The following PDE3A variants were observed in gnomAD, a reference collection of about 807,000 sequenced individuals.
PDE3A encodes cGMP-inhibited 3',5'-cyclic phosphodiesterase 3A.
Under a neutral mutation model 98.3 loss-of-function variants are expected in PDE3A, and 43 were observed. The observed-to-expected ratio is 0.44, with a 90% CI of 0.34 to 0.56. The LOEUF is 0.56. Ranked by LOEUF, PDE3A falls within the 20% of genes least tolerant of loss-of-function variation. The pLI is 0.01. For missense variants in PDE3A, 1,427 were observed against 1,440.7 expected (o/e 0.99, Z 0.15); for synonymous variants, 663 against 567.9 (o/e 1.17, Z -2.38).
chr12:20,571,223 A>C (rs1274801898), intron 2 of PDE3A, among the ~76,000 whole-genome samples: 3 of 152,164 alleles, frequency 2.0e-5, no homozygotes, highest in Non-Finnish European at 1.5e-5. Context: ...ATTCATTAGT[A>C]TGGATGAAAG....
chr12:20,486,137 T>A (rs1945723435), intron 1 of PDE3A, among the ~76,000 whole-genome samples: 1 of 152,230 alleles, frequency 6.6e-6, no homozygotes, highest in Non-Finnish European at 1.5e-5. Context: ...TAGTCTGTTT[T>A]CACACTGCTA....
Position 20,680,432 on chromosome 12 carries a change from G to T in PDE3A, c.*161G>T. On this transcript the variant is annotated 3_prime_UTR_variant, in exon 16 of 16. Coordinates refer to ENST00000359062, the MANE Select transcript of PDE3A (RefSeq NM_000921.5). ...TTTTGTGTGTATATTTTTACAGTGA[G>T]GTACATTGTTAAAAACTTTTTGCTC... 1.4e-6 allele frequency: 1 copy of T among 740,558 alleles called. No homozygotes were observed. 45.9% of individuals were successfully genotyped at this position (740,558 alleles called of 1,614,324 possible). A position where few individuals can be genotyped will look rare whatever the true frequency, so the allele number is the denominator to read the frequency against.
intron 1 of PDE3A, among the ~76,000 whole-genome samples, chr12:20,539,921 A>G (rs11614638): frequency 0.036 from 5,453 of 152,176 alleles, 140 homozygotes; most frequent in Middle Eastern, 0.065. Context: ...TTTGCAAATG[A>G]GGAAACTTAA....
intron 14 of PDE3A, among the ~76,000 whole-genome samples, chr12:20,651,450 C>T (rs553102042): frequency 2.0e-5 from 3 of 152,198 alleles, no homozygotes; most frequent in Admixed American, 6.5e-5. Context: ...ATTTAGAAAT[C>T]GGTTAATCAA....
chr12:20,459,472 T>C (rs938637950), intron 1 of PDE3A, among the ~76,000 whole-genome samples: 1 of 152,132 alleles, frequency 6.6e-6, no homozygotes, highest in South Asian at 2.1e-4. Flanking sequence ...TTTAAAGACA[T>C]TTTTGAGGTT....
At chr12:20,659,192 C>T (rs933906339) in intron 15 of PDE3A, among the ~76,000 whole-genome samples, 1 of 152,018 alleles carries the variant, frequency 6.6e-6, no homozygotes, top group African/African-American at 2.4e-5. Context: ...TGCCTGTGTT[C>T]ATTTCCCTCA....
chr12:20,512,773 T>C (rs1946251356), intron 1 of PDE3A, among the ~76,000 whole-genome samples: 1 of 152,142 alleles, frequency 6.6e-6, no homozygotes, highest in South Asian at 2.1e-4. Flanking sequence ...AGTGTCCTAT[T>C]TCCATGAGAG....
chr12:20,665,833 T>A (rs934928928), intron 15 of PDE3A, among the ~76,000 whole-genome samples: 1 of 152,146 alleles, frequency 6.6e-6, no homozygotes, highest in Non-Finnish European at 1.5e-5. Context: ...CAACTTTTTG[T>A]ATTTTTAATC....
chr12:20,586,333 C>T (rs1943197504), intron 2 of PDE3A, among the ~76,000 whole-genome samples: 1 of 152,184 alleles, frequency 6.6e-6, no homozygotes, highest in Non-Finnish European at 1.5e-5. Flanking sequence ...ATACAGCACT[C>T]TTATTATTTC....
intron 1 of PDE3A, among the ~76,000 whole-genome samples, chr12:20,527,998 G>C (rs1797422741): frequency 6.6e-6 from 1 of 152,036 alleles, no homozygotes; most frequent in Admixed American, 6.6e-5. Context: ...ATTTTCTGAG[G>C]CTGAGACTCA....
intron 1 of PDE3A, among the ~76,000 whole-genome samples, chr12:20,432,997 CCAGGA>C (rs1431464862): frequency 2.6e-5 from 4 of 152,008 alleles, no homozygotes; most frequent in Non-Finnish European, 5.9e-5. Context: ...CTCCATTTTC[CCAGGA>C]ATTCTCTTGA....
intron 1 of PDE3A, among the ~76,000 whole-genome samples, chr12:20,457,417 C>T (rs974083516): frequency 1.3e-5 from 2 of 151,282 alleles, no homozygotes; most frequent in East Asian, 1.9e-4. Context: ...TGAAACAAGG[C>T]GTATATGAAA....
intron 15 of PDE3A, among the ~76,000 whole-genome samples, chr12:20,673,664 C>T (rs1429077274): frequency 1.4e-5 from 2 of 142,674 alleles, no homozygotes; most frequent in Non-Finnish European, 3.0e-5. Context: ...AACACATGGA[C>T]ACAGGAAGGG....
At chr12:20,502,152 C>G (rs1946036723) in intron 1 of PDE3A, among the ~76,000 whole-genome samples, 1 of 152,096 alleles carries the variant, frequency 6.6e-6, no homozygotes. Context: ...TTAGGTACTT[C>G]CTATTAAATC....
intron 1 of PDE3A, among the ~76,000 whole-genome samples, chr12:20,408,954 T>A (rs1944284325): frequency 6.6e-6 from 1 of 152,188 alleles, no homozygotes; most frequent in African/African-American, 2.4e-5. Context: ...TGTGTATTTT[T>A]CCTTCTTCCT....
At position 20,654,128 on chromosome 12, in the gene PDE3A, C is replaced by T. The variant is rs1486423491; in HGVS notation, c.3107C>T (p.Thr1036Ile). Residue 1036 changes from threonine (T) to isoleucine (I), a missense_variant, in exon 15 of 16, where the codon ACT becomes ATT. Thr to Ile is a moderately conservative substitution (Grantham distance 89, BLOSUM62 -1). This residue lies in a region of PDE3A where 142 missense variants were observed against 133.9 expected (regional missense o/e 1.06). Transcript: ENST00000359062. ...WVEDSDESGDTDDPEEEEEEA... is the reference protein window; with the variant it reads ...WVEDSDESGDIDDPEEEEEEA... ...GAAGACAGCGATGAGTCAGGAGATA[C>T]TGATGACCCAGAAGAAGAGGAGGAA... 3.1e-6 allele frequency: 5 copies of T among 1,613,864 alleles called. No homozygotes were observed. Among genetic ancestry groups the T allele is most frequent in the African/African-American group, 2.7e-5 (2 of 74,908 alleles).
intron 1 of PDE3A, among the ~76,000 whole-genome samples, chr12:20,442,355 T>A (rs918239615): frequency 6.6e-6 from 1 of 152,186 alleles, no homozygotes; most frequent in African/African-American, 2.4e-5. Flanking sequence ...TCCCTCATGT[T>A]TGTGTAGATT....
chr12:20,654,638 A>C (rs1944999306), intron 15 of PDE3A, among the ~76,000 whole-genome samples: 1 of 147,362 alleles, frequency 6.8e-6, no homozygotes, highest in Admixed American at 6.8e-5. Context: ...CTGGGACTAC[A>C]GGTGCGCAAC....
chr12:20,432,397 A>G (rs1944712472), intron 1 of PDE3A, among the ~76,000 whole-genome samples: 1 of 152,194 alleles, frequency 6.6e-6, no homozygotes, highest in African/African-American at 2.4e-5. Flanking sequence ...TATTGCCTAC[A>G]GTTAACAGTA....
Sources: gnomAD v4.1 joint callset for allele counts (sites outside exome capture counted in the v4.1 genomes callset) on GRCh38, gnomAD v4.1.1 for gene constraint, gnomAD v4.1.1 regional missense constraint, MANE v1.5 for transcripts, NCBI Gene and HGNC (gene_info 2026-07-23, HGNC 2026-07-21) for gene names.